Variants in ST6GALNAC3 observed in about 807,000 individuals in gnomAD.
The protein encoded by ST6GALNAC3 is alpha-N-acetylgalactosaminide alpha-2,6-sialyltransferase 3.
ST6GALNAC3 carries 25 observed loss-of-function variants against 32.7 expected under a neutral mutation model. The observed-to-expected ratio is 0.76, with a 90% confidence interval of 0.56 to 1.07. The LOEUF is 1.07. Among genes scored for constraint, ST6GALNAC3 ranks in the 50% least tolerant of loss-of-function variants. The pLI is 0.00. For synonymous variants in ST6GALNAC3, 129 were observed against 133.1 expected, an observed-to-expected ratio of 0.97 and a Z score of 0.21; for missense variants, 355 against 382.4, an observed-to-expected ratio of 0.93 and a Z score of 0.60.
intron 3 of ST6GALNAC3, among the ~76,000 whole-genome samples, chr1:76,517,127 A>G (rs1932261): frequency 0.097 from 14,731 of 151,784 alleles, 922 homozygotes; most frequent in East Asian, 0.22. Flanking sequence ...GTTTAAATTG[A>G]TTAATAATCA....
intron 3 of ST6GALNAC3, among the ~76,000 whole-genome samples, chr1:76,456,666 A>G (rs556607555): frequency 6.6e-6 from 1 of 152,366 alleles, no homozygotes; most frequent in African/African-American, 2.4e-5. Context: ...TTCATGCTAA[A>G]AACTCTCAAT....
intron 1 of ST6GALNAC3, chr1:76,307,954 C>T: frequency 2.0e-6 from 1 of 506,870 alleles, no homozygotes; most frequent in South Asian, 1.4e-5. Flanking sequence ...GCTAGAATGC[C>T]ATGTTTTTGA....
intron 3 of ST6GALNAC3, among the ~76,000 whole-genome samples, chr1:76,524,305 G>A (rs538531576): frequency 1.3e-5 from 2 of 152,208 alleles, no homozygotes; most frequent in African/African-American, 4.8e-5. Flanking sequence ...AGGTGAACAT[G>A]TCCCTTCAAT....
At chr1:76,369,740 T>TA (rs1290163934) in intron 2 of ST6GALNAC3, among the ~76,000 whole-genome samples, 5 of 152,116 alleles carry the variant, frequency 3.3e-5, no homozygotes. Flanking sequence ...AGAAAACACA[T>TA]AACAGTGCAT....
At chr1:76,593,123 G>A (rs1647076403) in intron 3 of ST6GALNAC3, among the ~76,000 whole-genome samples, 1 of 152,076 alleles carries the variant, frequency 6.6e-6, no homozygotes, top group Non-Finnish European at 1.5e-5. Flanking sequence ...AATGTAACAT[G>A]AGGACAAGAA....
chr1:76,521,298 T>C (rs35754395), intron 3 of ST6GALNAC3, among the ~76,000 whole-genome samples: 15,264 of 144,894 alleles, frequency 0.11, 923 homozygotes, highest in East Asian at 0.22. Flanking sequence ...TATATATATA[T>C]ACACACACAC....
At chr1:76,512,153 A>G (rs1661901032) in intron 3 of ST6GALNAC3, among the ~76,000 whole-genome samples, 1 of 152,350 alleles carries the variant, frequency 6.6e-6, no homozygotes, top group South Asian at 2.1e-4. Context: ...TGTTTTAAAT[A>G]GAAAAATGTC....
intron 3 of ST6GALNAC3, among the ~76,000 whole-genome samples, chr1:76,534,211 T>G (rs1237132045): frequency 2.6e-5 from 4 of 151,996 alleles, no homozygotes; most frequent in Non-Finnish European, 5.9e-5. Flanking sequence ...GCCGGCTAAT[T>G]TTTGTATTTT....
chr1:76,207,916 G>C (rs1385715417), intron 1 of ST6GALNAC3, among the ~76,000 whole-genome samples: 2 of 152,112 alleles, frequency 1.3e-5, no homozygotes, highest in African/African-American at 2.4e-5. Flanking sequence ...AATGATCTTA[G>C]AACCTACTTT....
chr1:76,372,545 A>G (rs1650913684), intron 2 of ST6GALNAC3, among the ~76,000 whole-genome samples: 1 of 152,086 alleles, frequency 6.6e-6, no homozygotes, highest in Admixed American at 6.6e-5. Context: ...CCACTGTCCT[A>G]TCTTTCCATA....
At chr1:76,520,932 A>G (rs997812009) in intron 3 of ST6GALNAC3, among the ~76,000 whole-genome samples, 1 of 152,068 alleles carries the variant, frequency 6.6e-6, no homozygotes, top group Non-Finnish European at 1.5e-5. Flanking sequence ...TTATTGATGT[A>G]TTTGGATTTA....
At chr1:76,431,853 A>C (rs1417971433) in intron 3 of ST6GALNAC3, among the ~76,000 whole-genome samples, 2 of 152,104 alleles carry the variant, frequency 1.3e-5, no homozygotes, top group African/African-American at 4.8e-5. Context: ...CAGAGTCCAC[A>C]GCTTACATTA....
At chr1:76,500,416 C>T (rs1334006846) in intron 3 of ST6GALNAC3, among the ~76,000 whole-genome samples, 1 of 152,154 alleles carries the variant, frequency 6.6e-6, no homozygotes, top group Non-Finnish European at 1.5e-5. Flanking sequence ...CATAGAACAT[C>T]AGTAAAACTG....
At chr1:76,383,441 A>ATTTT (rs34140871) in intron 2 of ST6GALNAC3, among the ~76,000 whole-genome samples, 20 of 134,348 alleles carry the variant, frequency 1.5e-4, no homozygotes, top group Admixed American at 6.2e-4. Flanking sequence ...TGGCTAATTA[A>ATTTT]TTTTTTTTTT....
rs1195383299 is a variant in ST6GALNAC3 at position 76,560,152 on chromosome 1, A to T, written c.624-67300A>T. The stretch of plus-strand genomic sequence containing the variant: ...TCCATATGCAGAAGAATAAAACTAG[A>T]CCCCCTATCTCTCACCATATACAAA... On this transcript the variant is annotated intron_variant, in intron 3 of 4. Coordinates refer to ENST00000328299, the MANE Select transcript of ST6GALNAC3 (RefSeq NM_152996.4). 3.3e-5 allele frequency among the ~76,000 whole-genome samples: 5 copies of T among 151,986 alleles called. No homozygotes were observed. The East Asian group carries it at 9.6e-4, about 29-fold the overall frequency.
intron 3 of ST6GALNAC3, among the ~76,000 whole-genome samples, chr1:76,461,635 G>C (rs901880530): frequency 1.3e-5 from 2 of 152,102 alleles, no homozygotes; most frequent in African/African-American, 4.8e-5. Context: ...CTATTAACTT[G>C]GGATACCATT....
At chr1:76,112,911 A>C (rs1021166542) in intron 1 of ST6GALNAC3, among the ~76,000 whole-genome samples, 9 of 150,626 alleles carry the variant, frequency 6.0e-5, no homozygotes, top group Non-Finnish European at 1.0e-4. Flanking sequence ...CCAGGCAGAG[A>C]TGCTCCTCAC....
At chr1:76,385,489 T>G (rs1206617133) in intron 2 of ST6GALNAC3, among the ~76,000 whole-genome samples, 1 of 152,132 alleles carries the variant, frequency 6.6e-6, no homozygotes, top group Non-Finnish European at 1.5e-5. Context: ...GCATCTCAGT[T>G]TCTTCACTGT....
intron 2 of ST6GALNAC3, among the ~76,000 whole-genome samples, chr1:76,314,303 T>C (rs4949705): frequency 0.98 from 149,791 of 152,214 alleles, 73,753 homozygotes; most frequent in East Asian, 1. Flanking sequence ...AAGCTCTGAT[T>C]AGCAGTTACC....
Sources: allele counts gnomAD v4.1 joint callset (sites outside exome capture counted in the v4.1 genomes callset), GRCh38; gene constraint gnomAD v4.1.1; transcripts MANE v1.5; gene names NCBI Gene and HGNC (gene_info 2026-07-23, HGNC 2026-07-21).